STAG2: variants seen among roughly 807,000 people sequenced by gnomAD.
The protein encoded by STAG2 is cohesin subunit SA-2.
A neutral mutation model predicts 108.1 loss-of-function variants in STAG2; 14 were observed. The observed-to-expected ratio is 0.13, with a 90% confidence interval of 0.09 to 0.20. STAG2 has a LOEUF of 0.20. STAG2 is among the 10% of genes least tolerant of loss of function. The pLI, the probability that STAG2 is intolerant of heterozygous loss-of-function variation, is 1.00. For missense variants in STAG2, 440 were observed against 940.9 expected, an observed-to-expected ratio of 0.47 and a Z score of 6.96; for synonymous variants, 307 against 302.7, an observed-to-expected ratio of 1.01 and a Z score of -0.15.
At position 124,061,405 on chromosome X, in the gene STAG2, C is replaced by T. The variant is rs995433850; in HGVS notation, c.1534+64C>T. 1.1e-5 allele frequency: 9 copies of T among 791,908 alleles called. No individual in the cohort carries two copies. In the African/African-American group the frequency reaches 1.6e-4, roughly 15 times the overall value. The allele number at this position is 791,908 out of a possible 1,213,427, so 65.3% of individuals were successfully genotyped here. A position where few individuals can be genotyped will look rare whatever the true frequency, so the allele number is the denominator to read the frequency against. On this transcript the variant is annotated intron_variant, in intron 16 of 34. Coordinates refer to ENST00000371145, the MANE Select transcript of STAG2 (RefSeq NM_001042750.2). ...TTTGTAAGTAGATTTTTACTCATTC[C>T]ATTTATTTGTCCTTTTAGTTTTAAG... is the stretch of plus-strand genomic sequence containing the variant.
At chrX:124,028,321 G>A (rs2057174440) in intron 4 of STAG2, among the ~76,000 whole-genome samples, 1 of 111,244 alleles carries the variant, frequency 9.0e-6, no homozygotes, top group Non-Finnish European at 1.9e-5. Flanking sequence ...TAACCAAAAT[G>A]GCTAGTAAGT....
intron 1 of STAG2, among the ~76,000 whole-genome samples, chrX:124,006,478 G>A (rs1453359030): frequency 1.1e-5 from 1 of 92,113 alleles, no homozygotes; most frequent in Non-Finnish European, 2.1e-5. Flanking sequence ...TCGCTCTGTT[G>A]CCCAGGCTGG....
chrX:124,009,145 C>T (rs1369423268), intron 1 of STAG2, among the ~76,000 whole-genome samples: 1 of 111,059 alleles, frequency 9.0e-6, no homozygotes, highest in Non-Finnish European at 1.9e-5. Context: ...ATTTCGCCTC[C>T]TTTCTTAGCA....
chrX:124,001,005 A>G (rs1305581602), intron 1 of STAG2, among the ~76,000 whole-genome samples: 1 of 112,505 alleles, frequency 8.9e-6, no homozygotes, highest in African/African-American at 3.2e-5. Context: ...TTTTAAGCTA[A>G]GTGTTATAAT....
At chrX:124,093,007 C>T (rs905937394) in intron 32 of STAG2, among the ~76,000 whole-genome samples, 41 of 111,243 alleles carry the variant, frequency 3.7e-4, no homozygotes, top group African/African-American at 1.3e-3. Context: ...TGTAAGCATT[C>T]GGTAAATAAT....
chrX:124,057,831 G>A lies in STAG2; in HGVS notation c.1305-35G>A, dbSNP rs768759173. ...TTTTATTAGAAAATTTTTTGTTGTTGTTGTCGTAAAATAAATATTTTACTT... is the reference window on the plus strand; with the variant it reads ...TTTTATTAGAAAATTTTTTGTTGTTATTGTCGTAAAATAAATATTTTACTT... On this transcript the variant is annotated intron_variant, in intron 14 of 34. Coordinates refer to ENST00000371145, the MANE Select transcript of STAG2 (RefSeq NM_001042750.2). The A allele has an allele frequency of 6.2e-6, 6 of 960,123 alleles. No homozygotes were observed. The African/African-American group carries it at 1.0e-4, about 16-fold the overall frequency. 79.1% of individuals were successfully genotyped at this position (960,123 alleles called of 1,213,427 possible).
intron 29 of STAG2, 63 bp from the exon 30 acceptor site, chrX:124,086,484 C>T (rs2059111272): frequency 7.5e-6 from 7 of 927,446 alleles, no homozygotes; most frequent in Non-Finnish European, 7.7e-6. Context: ...GCTCGCACAA[C>T]TATGAGTTAA....
At chrX:123,981,265 T>A (rs1457625835) in intron 1 of STAG2, among the ~76,000 whole-genome samples, 1 of 110,850 alleles carries the variant, frequency 9.0e-6, no homozygotes, top group Non-Finnish European at 1.9e-5. Context: ...TACTATCTCA[T>A]AATAAAACTG....
intron 27 of STAG2, among the ~76,000 whole-genome samples, chrX:124,080,454 C>T (rs931865807): frequency 4.5e-5 from 5 of 111,248 alleles, no homozygotes; most frequent in Non-Finnish European, 9.4e-5. Context: ...CTTTGGGAGA[C>T]TGAGGCGGGC....
intron 28 of STAG2, among the ~76,000 whole-genome samples, chrX:124,081,844 G>T (rs1603151980): frequency 9.0e-6 from 1 of 110,983 alleles, no homozygotes; most frequent in African/African-American, 3.3e-5. Flanking sequence ...ACTAAAAATA[G>T]AAAAATTAGC....
At chrX:124,026,994 G>A (rs1488931320) in intron 4 of STAG2, among the ~76,000 whole-genome samples, 2 of 111,772 alleles carry the variant, frequency 1.8e-5, no homozygotes, top group African/African-American at 6.5e-5. Context: ...CAAACTCTTG[G>A]GCTAAAGCAA....
At chrX:124,014,695 A>G (rs1345477808) in intron 1 of STAG2, among the ~76,000 whole-genome samples, 1 of 111,025 alleles carries the variant, frequency 9.0e-6, no homozygotes, top group East Asian at 2.8e-4. Context: ...TTGTAAATAT[A>G]GATTTCCTAC....
At chrX:124,014,038 G>A (rs2147937282) in intron 1 of STAG2, among the ~76,000 whole-genome samples, 1 of 111,881 alleles carries the variant, frequency 8.9e-6, no homozygotes, top group East Asian at 2.8e-4. Context: ...GATCACAGTT[G>A]TGGTGATGGC....
In STAG2 at chrX:124,022,741, C is replaced by T. The variant is rs191443586; in HGVS notation, c.44+70C>T. The T allele has an allele frequency of 8.4e-4, 623 of 738,990 alleles. 1 individual carries two copies. The highest frequency in any genetic ancestry group is 1.1e-3 in the Non-Finnish European group (590 of 514,670). 60.9% of individuals were successfully genotyped at this position (738,990 alleles called of 1,213,427 possible). ...CACAAAATGGGGAATGCATTAACTT[C>T]AGTTAAATTTCCTTCTGCTCGAGAA... On this transcript the variant is annotated intron_variant, in intron 3 of 34. Transcript: ENST00000371145.
intron 29 of STAG2, 51 bp downstream of exon 29, chrX:124,083,600 G>A (rs756619990): frequency 9.8e-6 from 10 of 1,024,092 alleles, no homozygotes; most frequent in South Asian, 2.4e-5. Flanking sequence ...GGATTCTTAA[G>A]GGCAATTTTT....
intron 5 of STAG2, among the ~76,000 whole-genome samples, chrX:124,034,878 G>GTTGTTGTTGTTGTTATTA (rs1436469015): frequency 1.2e-5 from 1 of 83,897 alleles, no homozygotes; most frequent in Admixed American, 1.4e-4. Context: ...TGTTGTTGTT[G>GTTGTTGTTGTTGTTATTA]TTATTATTAT....
chrX:124,051,096 C>CA (rs749793896), intron 11 of STAG2, 25 bp from the exon 12 acceptor site: 12 of 762,343 alleles, frequency 1.6e-5, no homozygotes, highest in Non-Finnish European at 2.2e-5. Context: ...TGCATTGTCT[C>CA]ATCTTTTTTT....
intron 1 of STAG2, among the ~76,000 whole-genome samples, chrX:123,962,354 C>T (rs893186771): frequency 4.5e-5 from 5 of 110,900 alleles, no homozygotes; most frequent in Non-Finnish European, 9.4e-5. Context: ...TTTTTCCCCC[C>T]GTCGCGAGAA....
At chrX:123,975,317 A>T (rs1338359286) in intron 1 of STAG2, among the ~76,000 whole-genome samples, 1 of 112,305 alleles carries the variant, frequency 8.9e-6, no homozygotes, top group East Asian at 2.8e-4. Context: ...CCACTCATTC[A>T]GTCCAAAAGA....
Sources: gnomAD v4.1 joint callset for allele counts (sites outside exome capture counted in the v4.1 genomes callset) on GRCh38, gnomAD v4.1.1 for gene constraint, MANE v1.5 for transcripts, NCBI Gene and HGNC (gene_info 2026-07-23, HGNC 2026-07-21) for gene names.